Variants in ADGRL2 observed in about 807,000 individuals in gnomAD.
The protein encoded by ADGRL2 is adhesion G protein-coupled receptor L2, also known as calcium-independent alpha-latrotoxin receptor 2.
In ADGRL2, 44 loss-of-function variants were observed where a neutral mutation model predicts 157.4. The ratio of observed to expected loss-of-function variants is 0.28; its 90% CI spans 0.22 to 0.36. The LOEUF is 0.36. Among genes scored for constraint, ADGRL2 ranks in the 10% least tolerant of loss-of-function variants. The pLI is 1.00. For synonymous variants in ADGRL2, 585 were observed against 624.7 expected (o/e 0.94, Z 0.95); for missense variants, 1,510 against 1,768.9 (o/e 0.85, Z 2.63).
At chr1:81,640,983 A>G (rs2082208817) in intron 3 of ADGRL2, among the ~76,000 whole-genome samples, 1 of 152,224 alleles carries the variant, frequency 6.6e-6, no homozygotes, top group Admixed American at 6.5e-5. Flanking sequence ...CTGCCCTATG[A>G]GAAACAACTT....
intron 3 of ADGRL2, among the ~76,000 whole-genome samples, chr1:81,627,876 C>G (rs2081940609): frequency 6.6e-6 from 1 of 152,190 alleles, no homozygotes; most frequent in Non-Finnish European, 1.5e-5. Flanking sequence ...CTGGCCATGG[C>G]CCACTGCTGT....
At chr1:81,371,352 A>G (rs2076157192) in intron 1 of ADGRL2, among the ~76,000 whole-genome samples, 1 of 152,222 alleles carries the variant, frequency 6.6e-6, no homozygotes, top group Admixed American at 6.5e-5. Context: ...GGAGCTGGAA[A>G]AAGACAACTA....
At chr1:81,447,284 A>G (rs2077616132) in intron 2 of ADGRL2, among the ~76,000 whole-genome samples, 1 of 152,206 alleles carries the variant, frequency 6.6e-6, no homozygotes, top group South Asian at 2.1e-4. Flanking sequence ...AGTGTATAAT[A>G]TATTGACAGC....
chr1:81,510,144 T>C (rs1031239679), intron 2 of ADGRL2, among the ~76,000 whole-genome samples: 2 of 152,202 alleles, frequency 1.3e-5, no homozygotes, highest in Non-Finnish European at 2.9e-5. Flanking sequence ...AAAGGAGTTA[T>C]CTTGCTAATG....
intron 3 of ADGRL2, among the ~76,000 whole-genome samples, chr1:81,622,245 A>G (rs2148714437): frequency 6.6e-6 from 1 of 152,310 alleles, no homozygotes; most frequent in Non-Finnish European, 1.5e-5. Flanking sequence ...GGTCTTATGT[A>G]TATATATGTG....
chr1:81,800,628 AGCGCCGCGCTTC>A (rs1449002180), upstream of ADGRL2: 2 of 152,068 alleles, frequency 1.3e-5, no homozygotes, highest in Admixed American at 1.3e-4. Context: ...TCAGCCTCGG[AGCGCCGCGCTTC>A]GCGGCGCTCT....
chr1:81,747,554 G>A (rs865803743), intron 1 of ADGRL2, among the ~76,000 whole-genome samples: 13 of 151,994 alleles, frequency 8.6e-5, no homozygotes, highest in East Asian at 3.9e-4. Flanking sequence ...CACCAGCCTC[G>A]GCCTCCCAAA....
intron 2 of ADGRL2, among the ~76,000 whole-genome samples, chr1:81,556,289 C>A (rs1305850431): frequency 6.6e-6 from 1 of 151,336 alleles, no homozygotes; most frequent in African/African-American, 2.4e-5. Context: ...AAATCCTCAT[C>A]CCCCGATTCT....
At chr1:81,897,371 C>A (rs1225998450) in intron 2 of ADGRL2, among the ~76,000 whole-genome samples, 2 of 151,908 alleles carry the variant, frequency 1.3e-5, no homozygotes, top group East Asian at 3.9e-4. Context: ...AGACTAATAG[C>A]ATCTCTTTGT....
intron 23 of ADGRL2, among the ~76,000 whole-genome samples, chr1:81,988,589 A>C (rs2149520395): frequency 6.6e-6 from 1 of 152,288 alleles, no homozygotes. Flanking sequence ...TTTGTTGCAC[A>C]TGGAACATGA....
intron 1 of ADGRL2, chr1:81,427,358 G>A (rs770245161): frequency 2.2e-4 from 162 of 730,932 alleles, no homozygotes; most frequent in East Asian, 1.2e-3. Context: ...TGGTGGTGGC[G>A]GACCAGGATA....
At position 81,356,971 on chromosome 1, in the gene ADGRL2, A is replaced by AAAAAAAAAAAG. The variant is rs80327519; in HGVS notation, c.-302+50464_-302+50465insAAAAAAAAGAA. ...CCGTCTCAAAAAAAAAAAAAAAAAA[A>AAAAAAAAAAAG]AAGAAGTTGTTTCCTTTTAAAGCTC... On this transcript the variant is annotated intron_variant, in intron 1 of 24. Coordinates refer to the ADGRL2 transcript ENST00000370721. Among the ~76,000 whole-genome samples, 382 of 99,276 alleles carry AAAAAAAAAAAG rather than the reference A, an allele frequency of 3.8e-3. 15 individuals carry two copies. Among genetic ancestry groups the AAAAAAAAAAAG allele is most frequent in the East Asian group, 0.017 (39 of 2,320 alleles). The allele number at this position is 99,276 out of a possible 152,430, so 65.1% of individuals were successfully genotyped here. A position where few individuals can be genotyped will look rare whatever the true frequency, so the allele number is the denominator to read the frequency against.
At chr1:81,374,675 T>C (rs1175334983) in intron 1 of ADGRL2, among the ~76,000 whole-genome samples, 2 of 152,058 alleles carry the variant, frequency 1.3e-5, no homozygotes, top group African/African-American at 4.8e-5. Context: ...CCTGGGCAAT[T>C]CAAGTGTGTG....
chr1:81,588,681 C>T (rs1415362636), intron 3 of ADGRL2, among the ~76,000 whole-genome samples: 1 of 152,106 alleles, frequency 6.6e-6, no homozygotes, highest in Non-Finnish European at 1.5e-5. Flanking sequence ...CTGTACTTGC[C>T]TGTTACAGTT....
At position 81,691,880 on chromosome 1, in the gene ADGRL2, G is replaced by GTATATATATATATATATATATA. The variant is rs58043778; in HGVS notation, c.-142-69916_-142-69915insATATATATATATATATATATAT. 1.5e-3 allele frequency among the ~76,000 whole-genome samples: 177 copies of GTATATATATATATATATATATA among 119,836 alleles called. 1 individual carries two copies. Among genetic ancestry groups the GTATATATATATATATATATATA allele is most frequent in the African/African-American group, 4.7e-3 (155 of 33,084 alleles). The allele number at this position is 119,836 out of a possible 152,430, so 78.6% of individuals were successfully genotyped here. ...TATATATATATGGGTGTGTGTGTGT[G>GTATATATATATATATATATATA]TATATATATATATATGTATGTGTAT... On this transcript the variant is annotated intron_variant, in intron 3 of 24. Transcript: ENST00000370721.
At chr1:81,961,551 A>G (rs1350668426) in intron 11 of ADGRL2, among the ~76,000 whole-genome samples, 1 of 137,468 alleles carries the variant, frequency 7.3e-6, no homozygotes, top group East Asian at 2.1e-4. Flanking sequence ...CTTGTCGTCC[A>G]GGCTAGAGTG....
At chr1:81,830,025 G>T (rs2091827030) in intron 1 of ADGRL2, among the ~76,000 whole-genome samples, 1 of 152,146 alleles carries the variant, frequency 6.6e-6, no homozygotes, top group African/African-American at 2.4e-5. Context: ...ACTTCTCTTA[G>T]CTTCTCATCA....
chr1:81,577,176 G>T (rs548839137), intron 2 of ADGRL2, among the ~76,000 whole-genome samples: 11 of 152,234 alleles, frequency 7.2e-5, no homozygotes, highest in African/African-American at 2.6e-4. Context: ...CTGACTGGGG[G>T]ACAGGCACTA....
At chr1:81,425,860 A>AATTTATTTATTTATTT (rs34701013) in intron 1 of ADGRL2, among the ~76,000 whole-genome samples, 4 of 149,610 alleles carry the variant, frequency 2.7e-5, no homozygotes, top group African/African-American at 9.9e-5. Context: ...AGAAAATACA[A>AATTTATTTATTTATTT]ATTTATTTAT....
Sources: allele counts gnomAD v4.1 joint callset (sites outside exome capture counted in the v4.1 genomes callset), GRCh38; gene constraint gnomAD v4.1.1; transcripts MANE v1.5; gene names NCBI Gene and HGNC (gene_info 2026-07-23, HGNC 2026-07-21).